MAP2K5: variants seen among roughly 807,000 people sequenced by gnomAD.
The protein encoded by MAP2K5 is mitogen-activated protein kinase kinase 5.
A neutral mutation model predicts 83.1 loss-of-function variants in MAP2K5; 49 were observed. The ratio of observed to expected loss-of-function variants is 0.59; its 90% CI spans 0.47 to 0.75. The LOEUF is 0.75. Ranked by LOEUF, MAP2K5 falls within the 30% of genes least tolerant of loss-of-function variation. The pLI, the probability that MAP2K5 is intolerant of heterozygous loss-of-function variation, is 0.00. For synonymous variants in MAP2K5, 202 were observed against 191.8 expected (o/e 1.05, Z -0.44); for missense variants, 457 against 557.5 (o/e 0.82, Z 1.82).
In MAP2K5 at chr15:67,802,045, G is replaced by A. The variant is rs1031850774; in HGVS notation, c.1243-4601G>A. 1.2e-4 allele frequency among the ~76,000 whole-genome samples: 18 copies of A among 152,142 alleles called. No homozygotes were observed. The highest frequency in any genetic ancestry group is 4.1e-4 in the African/African-American group (17 of 41,426). Reference sequence around the variant, plus strand: ...AGCACCCACACACTGCGGCAGGCTCGGAGCCTCCATTCTTGCCCACAAGAT... The same window carrying A: ...AGCACCCACACACTGCGGCAGGCTCAGAGCCTCCATTCTTGCCCACAAGAT... On this transcript the variant is annotated intron_variant, in intron 21 of 21. Coordinates refer to ENST00000178640, the MANE Select transcript of MAP2K5 (RefSeq NM_145160.3). This position sits in a 1 kb window ranked among gnomAD's most constrained non-coding sequence, Gnocchi z 5.0.
At chr15:67,584,937 C>A (rs2085257056) in intron 4 of MAP2K5, among the ~76,000 whole-genome samples, 1 of 151,832 alleles carries the variant, frequency 6.6e-6, no homozygotes, top group South Asian at 2.1e-4. Flanking sequence ...ACCTCATGAT[C>A]AGCCCACCTC....
At chr15:67,592,421 C>T (rs758189587) in intron 6 of MAP2K5, among the ~76,000 whole-genome samples, 2 of 152,044 alleles carry the variant, frequency 1.3e-5, no homozygotes, top group Non-Finnish European at 2.9e-5. Context: ...TAACTTGTCC[C>T]AGATCACACA....
intron 9 of MAP2K5, chr15:67,641,501 A>G (rs2086709861): frequency 1.0e-6 from 1 of 1,000,314 alleles, no homozygotes; most frequent in African/African-American, 1.7e-5. Context: ...CTTGTGATGA[A>G]TTGCCGTATT....
intron 13 of MAP2K5, among the ~76,000 whole-genome samples, chr15:67,683,072 C>T (rs779367683): frequency 1.6e-4 from 25 of 151,726 alleles, no homozygotes; most frequent in Non-Finnish European, 2.9e-4. Flanking sequence ...ACCCGGGAGG[C>T]GGAGGTTGCA....
At chr15:67,730,975 T>C (rs775478627) in intron 17 of MAP2K5, among the ~76,000 whole-genome samples, 4 of 152,234 alleles carry the variant, frequency 2.6e-5, no homozygotes, top group Non-Finnish European at 2.9e-5. Context: ...CTACCTCTTC[T>C]ATCTGATTAA....
intron 8 of MAP2K5, among the ~76,000 whole-genome samples, chr15:67,604,728 C>T (rs1567304273): frequency 1.3e-5 from 2 of 151,964 alleles, no homozygotes; most frequent in Admixed American, 1.3e-4. Flanking sequence ...AACCCCGACT[C>T]TACTAAAAAT....
At chr15:67,741,897 C>CA (rs553724868) in intron 17 of MAP2K5, among the ~76,000 whole-genome samples, 14 of 144,766 alleles carry the variant, frequency 9.7e-5, no homozygotes, top group Non-Finnish European at 1.8e-4. Context: ...TAAGAAAGAA[C>CA]TTTTTTTTTT....
Position 67,652,595 on chromosome 15 carries a change from A to G in MAP2K5, c.737-5958A>G, listed in dbSNP as rs184560595. ...ACCCAAACACCTCTCACGAGGCCCC[A>G]TCTTCAACATTGGGAGTGAGATTTC... On this transcript the variant is annotated intron_variant, in intron 11 of 21. Coordinates refer to ENST00000178640, the MANE Select transcript of MAP2K5 (RefSeq NM_145160.3). This position sits in a 1 kb window ranked among gnomAD's most constrained non-coding sequence, Gnocchi z 4.2. 6.6e-6 allele frequency among the ~76,000 whole-genome samples: 1 copy of G among 152,322 alleles called. No individual in the cohort carries two copies. The highest frequency in any genetic ancestry group is 1.9e-4 in the East Asian group (1 of 5,186).
At position 67,543,571 on chromosome 15, in the gene MAP2K5, A is replaced by G. The variant is rs117997171; in HGVS notation, c.135+101A>G. 7.7e-4 allele frequency: 1,052 copies of G among 1,369,436 alleles called. 15 individuals carry two copies. In the East Asian group the frequency reaches 0.022, roughly 28 times the overall value. The allele number at this position is 1,369,436 out of a possible 1,614,324, so 84.8% of individuals were successfully genotyped here. A position where few individuals can be genotyped will look rare whatever the true frequency, so the allele number is the denominator to read the frequency against. On this transcript the variant is annotated intron_variant, in intron 1 of 21. Coordinates refer to ENST00000178640, the MANE Select transcript of MAP2K5 (RefSeq NM_145160.3). This position sits in a 1 kb window ranked among gnomAD's most constrained non-coding sequence, Gnocchi z 4.3. ...GTGACCTGAGCCAGTGGCAATGGCT[A>G]CTGCTGGCTTCCTGTGGAGGCAGTT...
chr15:67,658,823 T>A (rs1172220012), intron 12 of MAP2K5: 1 of 605,990 alleles, frequency 1.7e-6, no homozygotes, highest in Non-Finnish European at 3.1e-6. Context: ...CTCCAACCTG[T>A]TCTAGTTTCA....
chr15:67,752,746 A>C (rs2089750086), intron 19 of MAP2K5, among the ~76,000 whole-genome samples: 1 of 152,118 alleles, frequency 6.6e-6, no homozygotes, highest in Non-Finnish European at 1.5e-5. Flanking sequence ...GGGAGGCTTA[A>C]TATTGTTACG....
rs963978823 is a variant in MAP2K5, at chr15:67,724,090, A to T, written c.1045-3826A>T. Among the ~76,000 whole-genome samples, 1 of 152,222 alleles carries T rather than the reference A, an allele frequency of 6.6e-6. No homozygotes were observed. The highest frequency in any genetic ancestry group is 2.1e-4 in the South Asian group (1 of 4,836). ...TAGTGATACAGAAACAGGCAAAATT[A>T]AAAAGGACATTAAAGCTTCATTAAA... On this transcript the variant is annotated intron_variant, in intron 16 of 21. Transcript: ENST00000178640. This position sits in a 1 kb window ranked among gnomAD's most constrained non-coding sequence, Gnocchi z 4.4.
Position 67,646,381 on chromosome 15 carries a change from G to A in MAP2K5, c.655-7G>A. 1.9e-6 allele frequency: 3 copies of A among 1,564,530 alleles called. No individual in the cohort carries two copies. The South Asian group carries it at 3.4e-5, about 18-fold the overall frequency. ...TTATAACTACTTTTGTCTTATTTTT[G>A]TTACAGTGCGATTCATCATATATCA... On this transcript the variant is annotated splice_region_variant and splice_polypyrimidine_tract_variant and intron_variant, in intron 10 of 21. Transcript: ENST00000178640.
In MAP2K5 at chr15:67,562,952, TA is replaced by T. The variant is rs1301603460; in HGVS notation, c.185-330del. On this transcript the variant is annotated intron_variant, in intron 2 of 21. Transcript: ENST00000178640. This position sits in a 1 kb window ranked among gnomAD's most constrained non-coding sequence, Gnocchi z 4.1. ...TGGGAGATTTAAAAAGTGTGGATAG[TA>T]GAACAAGACTGGCCTCTCGTTGGTT... Among the ~76,000 whole-genome samples the T allele has an allele frequency of 6.6e-6, 1 of 152,146 alleles. No individual in the cohort carries two copies. The highest frequency in any genetic ancestry group is 1.5e-5 in the Non-Finnish European group (1 of 68,022).
intron 19 of MAP2K5, among the ~76,000 whole-genome samples, chr15:67,762,100 A>G (rs1370592265): frequency 3.9e-5 from 6 of 152,216 alleles, no homozygotes; most frequent in East Asian, 1.9e-4. Flanking sequence ...CTAAAACTCA[A>G]TCTTGTGGAT....
intron 17 of MAP2K5, among the ~76,000 whole-genome samples, chr15:67,743,909 C>T (rs2089547987): frequency 6.6e-6 from 1 of 152,184 alleles, no homozygotes; most frequent in Non-Finnish European, 1.5e-5. Flanking sequence ...TTCTGGGGAC[C>T]ATGGGCATCT....
intron 8 of MAP2K5, 94 bp downstream of exon 8, chr15:67,600,843 C>G: frequency 1.2e-6 from 1 of 837,256 alleles, no homozygotes; most frequent in Non-Finnish European, 1.9e-6. Context: ...TGACCACTAA[C>G]ACTTAGATTT....
Position 67,748,135 on chromosome 15 carries a change from C to T in MAP2K5, c.1075-96C>T, listed in dbSNP as rs2089643959. The stretch of plus-strand genomic sequence containing the variant: ...TGTGTTAACACATGCCCACAAATTG[C>T]CACCAGCAATGCAATAATTTTCTCT... On this transcript the variant is annotated intron_variant, in intron 17 of 21. Coordinates refer to ENST00000178640, the MANE Select transcript of MAP2K5 (RefSeq NM_145160.3). The surrounding 1 kb of genome is among the most constrained non-coding windows in gnomAD (Gnocchi z 4.0). 8.5e-6 allele frequency: 7 copies of T among 822,012 alleles called. No homozygotes were observed. The highest frequency in any genetic ancestry group is 1.4e-5 in the Non-Finnish European group (7 of 483,340). 50.9% of individuals were successfully genotyped at this position (822,012 alleles called of 1,614,324 possible).
chr15:67,646,100 A>C, intron 9 of MAP2K5, 131 bp from the exon 10 acceptor site: 1 of 513,160 alleles, frequency 1.9e-6, no homozygotes, highest in East Asian at 3.2e-5. Flanking sequence ...TATTACTGGG[A>C]ATTATAGTGG....
Sources: allele counts gnomAD v4.1 joint callset (sites outside exome capture counted in the v4.1 genomes callset), GRCh38; gene constraint gnomAD v4.1.1; non-coding constraint Gnocchi (gnomAD v3.1); transcripts MANE v1.5; gene names NCBI Gene and HGNC (gene_info 2026-07-23, HGNC 2026-07-21).